Variants in ELMOD1 observed in about 807,000 individuals in gnomAD.
The protein encoded by ELMOD1 is ELMO domain containing 1, also known as ELMO domain-containing protein 1.
Under a neutral mutation model 46.7 loss-of-function variants are expected in ELMOD1, and 21 were observed. The ratio of observed to expected loss-of-function variants is 0.45; its 90% CI spans 0.32 to 0.65. The LOEUF (loss-of-function observed/expected upper bound fraction) is 0.65, where lower values mean the gene tolerates loss of function less well. ELMOD1 is among the 30% of genes least tolerant of loss of function. The pLI, the probability that ELMOD1 is intolerant of heterozygous loss-of-function variation, is 0.04. For synonymous variants in ELMOD1, 122 were observed against 138.2 expected (o/e 0.88, Z 0.82); for missense variants, 348 against 407.8 (o/e 0.85, Z 1.26).
chr11:107,639,092 G>C (rs980407409), intron 6 of ELMOD1, among the ~76,000 whole-genome samples: 1 of 152,180 alleles, frequency 6.6e-6, no homozygotes, highest in Non-Finnish European at 1.5e-5. Flanking sequence ...CAAGGCTACA[G>C]TGAGCTATGG....
intron 1 of ELMOD1, among the ~76,000 whole-genome samples, chr11:107,617,158 T>C (rs1865876081): frequency 6.6e-6 from 1 of 152,178 alleles, no homozygotes; most frequent in Non-Finnish European, 1.5e-5. Flanking sequence ...AATTGGTGTA[T>C]AGACAGTTTT....
At chr11:107,655,103 A>G (rs1425500961) in intron 10 of ELMOD1, among the ~76,000 whole-genome samples, 1 of 152,178 alleles carries the variant, frequency 6.6e-6, no homozygotes, top group Non-Finnish European at 1.5e-5. Context: ...TTATTACTCT[A>G]GCATGCTCAT....
chr11:107,596,173 C>T (rs1402615655), intron 1 of ELMOD1, among the ~76,000 whole-genome samples: 5 of 151,916 alleles, frequency 3.3e-5, no homozygotes, highest in Admixed American at 3.3e-4. Context: ...TGTTATAACT[C>T]TCCTTTCTAT....
rs574051839 is a variant in ELMOD1, at chr11:107,633,536, G to A, written c.290+1859G>A. ...CAACCTCCACCTCCCGGGTTCAAGC[G>A]ATTCTCCTGCCTCAGCCTCCCAAGT... is the stretch of plus-strand genomic sequence containing the variant. On this transcript the variant is annotated intron_variant, in intron 5 of 11. Coordinates refer to ENST00000265840, the MANE Select transcript of ELMOD1 (RefSeq NM_018712.4). Among the ~76,000 whole-genome samples the A allele has an allele frequency of 7.9e-5, 12 of 152,156 alleles. No individual in the cohort carries two copies. In the South Asian group the frequency reaches 1.0e-3, roughly 13 times the overall value.
chr11:107,594,886 A>G (rs1379750051), intron 1 of ELMOD1, among the ~76,000 whole-genome samples: 2 of 152,202 alleles, frequency 1.3e-5, no homozygotes, highest in Non-Finnish European at 2.9e-5. Flanking sequence ...AAATGACTCT[A>G]TGCTTGTAGT....
intron 9 of ELMOD1, 189 bp from the exon 10 acceptor site, chr11:107,653,983 A>C (rs1410834577): frequency 2.0e-5 from 12 of 591,126 alleles, no homozygotes; most frequent in Non-Finnish European, 3.6e-5. Flanking sequence ...ATAGGAGGTA[A>C]ATAGCATGGC....
At chr11:107,643,730 G>A (rs1384877388) in intron 6 of ELMOD1, 6 of 498,242 alleles carry the variant, frequency 1.2e-5, no homozygotes, top group Non-Finnish European at 2.5e-5. Flanking sequence ...ATTTTTGTCA[G>A]TATTGGAGCA....
At chr11:107,611,562 G>A (rs1471760766) in intron 1 of ELMOD1, among the ~76,000 whole-genome samples, 6 of 151,804 alleles carry the variant, frequency 4.0e-5, no homozygotes, top group Admixed American at 2.6e-4. Context: ...AAAATTAGCC[G>A]GTCGTGGTGG....
At position 107,665,021 on chromosome 11, in the gene ELMOD1, A is replaced by G. The variant is rs1866817164; in HGVS notation, c.833-4A>G. 2 of 1,611,862 alleles carry G rather than the reference A, an allele frequency of 1.2e-6. No individual in the cohort carries two copies. Among genetic ancestry groups the G allele is most frequent in the African/African-American group, 2.7e-5 (2 of 74,914 alleles). On this transcript the variant is annotated splice_region_variant and splice_polypyrimidine_tract_variant and intron_variant, in intron 11 of 11. Transcript: ENST00000265840. The stretch of plus-strand genomic sequence containing the variant: ...CATTCTTATCATTGTATTGTCTCCA[A>G]CAGGCTATTTGATGCATGAATTTCA...
chr11:107,615,170 C>A (rs939573100), intron 1 of ELMOD1, among the ~76,000 whole-genome samples: 2 of 149,144 alleles, frequency 1.3e-5, no homozygotes, highest in Non-Finnish European at 3.0e-5. Context: ...TTTAGATTTA[C>A]AGAAAAGCTA....
At chr11:107,598,178 T>G (rs2135646016) in intron 1 of ELMOD1, among the ~76,000 whole-genome samples, 3 of 152,320 alleles carry the variant, frequency 2.0e-5, no homozygotes, top group Middle Eastern at 3.4e-3. Flanking sequence ...AAGAGACTTA[T>G]TATGAGGAAT....
intron 9 of ELMOD1, among the ~76,000 whole-genome samples, chr11:107,652,973 T>G (rs1866551550): frequency 6.6e-6 from 1 of 152,176 alleles, no homozygotes; most frequent in Admixed American, 6.5e-5. Context: ...TTTTACATTG[T>G]ATTGAGTTCA....
In ELMOD1 at chr11:107,665,436, T is replaced by C. The variant is rs1866826009; in HGVS notation, c.*239T>C. ...TATGCAGTGTTACATCTTGCCTTGA[T>C]ACCCAGGTATGGAGAGAGTTTTCTA... On this transcript the variant is annotated 3_prime_UTR_variant, in exon 12 of 12. Coordinates refer to ENST00000265840, the MANE Select transcript of ELMOD1 (RefSeq NM_018712.4). 2 of 406,368 alleles carry C rather than the reference T, an allele frequency of 4.9e-6. No individual in the cohort carries two copies. The highest frequency in any genetic ancestry group is 7.6e-5 in the East Asian group (2 of 26,326). The allele number at this position is 406,368 out of a possible 1,614,324, so 25.2% of individuals were successfully genotyped here. A position where few individuals can be genotyped will look rare whatever the true frequency, so the allele number is the denominator to read the frequency against.
intron 9 of ELMOD1, 110 bp from the exon 10 acceptor site, chr11:107,654,062 C>A: frequency 1.2e-6 from 1 of 850,052 alleles, no homozygotes; most frequent in Non-Finnish European, 1.9e-6. Context: ...GATAATTGAG[C>A]TACAGACATC....
intron 5 of ELMOD1, among the ~76,000 whole-genome samples, chr11:107,634,008 T>A (rs140430031): frequency 6.6e-6 from 1 of 152,282 alleles, no homozygotes; most frequent in East Asian, 1.9e-4. Context: ...AGTTCTAAGT[T>A]CTGTTGCCCT....
intron 1 of ELMOD1, among the ~76,000 whole-genome samples, chr11:107,608,450 G>A (rs1865724951): frequency 6.6e-6 from 1 of 152,164 alleles, no homozygotes; most frequent in Non-Finnish European, 1.5e-5. Flanking sequence ...GAAAAAAGCT[G>A]AAGACTGAAG....
chr11:107,600,430 T>G (rs1327473494), intron 1 of ELMOD1: 1 of 152,244 alleles, frequency 6.6e-6, no homozygotes, highest in Non-Finnish European at 1.5e-5. Context: ...ATGTGTATGA[T>G]GCTAACACGT....
chr11:107,615,872 AG>A (rs1413735179), intron 1 of ELMOD1, among the ~76,000 whole-genome samples: 2 of 150,678 alleles, frequency 1.3e-5, no homozygotes, highest in African/African-American at 4.9e-5. Context: ...TGTTTGGGGG[AG>A]TAAAGTGCCA....
intron 1 of ELMOD1, among the ~76,000 whole-genome samples, chr11:107,609,577 C>T (rs1865742275): frequency 6.6e-6 from 1 of 152,206 alleles, no homozygotes; most frequent in Non-Finnish European, 1.5e-5. Context: ...CCCCGTAGCA[C>T]TTTACAAAGA....
Sources: gnomAD v4.1 joint callset for allele counts (sites outside exome capture counted in the v4.1 genomes callset) on GRCh38, gnomAD v4.1.1 for gene constraint, MANE v1.5 for transcripts, NCBI Gene and HGNC (gene_info 2026-07-23, HGNC 2026-07-21) for gene names.